ATP2C1: variants seen among roughly 807,000 people sequenced by gnomAD.
ATP2C1 encodes the protein ATPase secretory pathway Ca2+ transporting 1.
Under a neutral mutation model 120.5 loss-of-function variants are expected in ATP2C1, and 31 were observed. That is an observed-to-expected ratio of 0.26 (90% CI 0.19 to 0.35). The LOEUF (loss-of-function observed/expected upper bound fraction) is 0.35. Among genes scored for constraint, ATP2C1 ranks in the 10% least tolerant of loss-of-function variants. The pLI, the probability that ATP2C1 is intolerant of heterozygous loss-of-function variation, is 1.00. For synonymous variants in ATP2C1, 351 were observed against 358.7 expected (o/e 0.98, Z 0.24); for missense variants, 731 against 1,107.5 (o/e 0.66, Z 4.83).
intron 23 of ATP2C1, chr3:130,996,391 A>G (rs1418771796): frequency 5.3e-6 from 3 of 571,366 alleles, no homozygotes; most frequent in Non-Finnish European, 9.3e-6. Flanking sequence ...ATCTTTTTCC[A>G]AAAGTAGAAG....
chr3:130,905,149 AAGATCTG>A (rs2108037959), intron 2 of ATP2C1, among the ~76,000 whole-genome samples: 1 of 152,168 alleles, frequency 6.6e-6, no homozygotes, highest in African/African-American at 2.4e-5. Context: ...TCTAGAAACC[AAGATCTG>A]GGTGCCAGGT....
At chr3:130,959,372 C>T in intron 12 of ATP2C1, 31 bp downstream of exon 12, 1 of 1,446,568 alleles carries the variant, frequency 6.9e-7, no homozygotes. Flanking sequence ...ATTGGAGTCT[C>T]TTTTGCCTCT....
chr3:131,009,658 T>C (rs2063244384), intron 26 of ATP2C1, among the ~76,000 whole-genome samples: 1 of 152,196 alleles, frequency 6.6e-6, no homozygotes, highest in Non-Finnish European at 1.5e-5. Context: ...TACAGCTGGA[T>C]GGACTTGAAT....
chr3:130,973,625 T>TCAG (rs1199066470), intron 17 of ATP2C1, among the ~76,000 whole-genome samples: 1 of 152,186 alleles, frequency 6.6e-6, no homozygotes, highest in Non-Finnish European at 1.5e-5. Context: ...ATCACCATAC[T>TCAG]CAGAATGTTG....
At chr3:130,934,459 A>G (rs751063866) in intron 4 of ATP2C1, among the ~76,000 whole-genome samples, 163 bp from the exon 5 acceptor site, 4 of 151,962 alleles carry the variant, frequency 2.6e-5, no homozygotes, top group Non-Finnish European at 4.4e-5. Flanking sequence ...GTAGTTAAGT[A>G]TAAACGCTTT....
At chr3:130,872,829 T>C (rs1045385236) in intron 1 of ATP2C1, among the ~76,000 whole-genome samples, 1 of 152,158 alleles carries the variant, frequency 6.6e-6, no homozygotes, top group Non-Finnish European at 1.5e-5. Context: ...GTGATCTACC[T>C]GCCTCGGCCT....
At chr3:130,943,184 A>G (rs1440411836) in intron 8 of ATP2C1, among the ~76,000 whole-genome samples, 1 of 152,144 alleles carries the variant, frequency 6.6e-6, no homozygotes, top group Non-Finnish European at 1.5e-5. Context: ...TATTTTATCT[A>G]CTCAGCAAAT....
chr3:130,916,090 C>G lies in ATP2C1; in HGVS notation c.7-14326C>G, dbSNP rs564372981. 7.2e-5 allele frequency among the ~76,000 whole-genome samples: 11 copies of G among 152,000 alleles called. No individual in the cohort carries two copies. In the South Asian group the frequency reaches 2.3e-3, roughly 32 times the overall value. On this transcript the variant is annotated intron_variant, in intron 2 of 27. Transcript: ENST00000510168. The stretch of plus-strand genomic sequence containing the variant: ...ATTAGGTAACATTCCTTTTAGAGAT[C>G]CTCATGGAGTATGAGTATTTAAAGT...
Position 130,975,358 on chromosome 3 carries a change from A to G in ATP2C1, c.1440A>G (p.Lys480=), listed in dbSNP as rs11542182. The G allele has an allele frequency of 2.5e-6, 4 of 1,613,878 alleles. No individual in the cohort carries two copies. The highest frequency in any genetic ancestry group is 3.4e-6 in the Non-Finnish European group (4 of 1,179,806). ...ACAGACCAGAGATTTGTTTTATGAA[A>G]GGTGCTTACGAACAAGTAATTAAGT... ...QQDRPEICFM[K]GAYEQVIKYC... The change falls in exon 18 of 28, where the codon AAA becomes AAG. Residue 480 remains lysine (K), a synonymous_variant. Transcript: ENST00000510168.
exon 27 of ATP2C1, chr3:131,016,156 G>A: frequency 6.2e-7 from 1 of 1,613,876 alleles, no homozygotes; most frequent in Non-Finnish European, 8.5e-7. Flanking sequence ...AGTTAGGTCT[G>A]GCTCTGGGAG....
intron 1 of ATP2C1, among the ~76,000 whole-genome samples, chr3:130,861,163 G>A (rs533661201): frequency 9.2e-5 from 14 of 152,202 alleles, no homozygotes; most frequent in African/African-American, 3.4e-4. Flanking sequence ...TAGTTACTCG[G>A]GAGGCTGAGG....
chr3:130,960,495 C>T (rs189508707), intron 12 of ATP2C1, among the ~76,000 whole-genome samples: 4 of 152,266 alleles, frequency 2.6e-5, no homozygotes, highest in Non-Finnish European at 5.9e-5. Context: ...GCTATGATTT[C>T]CTATAAGATA....
chr3:130,894,149 T>TGGGC lies in ATP2C1; in HGVS notation c.-369_-368insGGGC. ...ACGGGTCCCCTCACCTCCTCTTCTC[T>TGGGC]CCCCTCCCCGCCCGCCCTCTCTCCC... On this transcript the variant is annotated 5_prime_UTR_variant, in exon 1 of 28. Transcript: ENST00000510168. The surrounding 1 kb of genome is among the most constrained non-coding windows in gnomAD (Gnocchi z 4.5). The TGGGC allele has an allele frequency of 1.4e-6, 1 of 694,844 alleles. No individual in the cohort carries two copies. The highest frequency in any genetic ancestry group is 1.8e-6 in the Non-Finnish European group (1 of 565,198). 43.0% of individuals were successfully genotyped at this position (694,844 alleles called of 1,614,324 possible).
Position 131,002,845 on chromosome 3 carries a change from A to AG in ATP2C1, c.*1497dup. 1.0e-6 allele frequency: 1 copy of AG among 985,822 alleles called. No individual in the cohort carries two copies. Among genetic ancestry groups the AG allele is most frequent in the Non-Finnish European group, 1.2e-6 (1 of 829,914 alleles). The allele number at this position is 985,822 out of a possible 1,614,324, so 61.1% of individuals were successfully genotyped here. A position where few individuals can be genotyped will look rare whatever the true frequency, so the allele number is the denominator to read the frequency against. ...ATTGTTACTGAGGCAGTTGAGTGTAAGGAGCTGGCTGCAGTTTATTCTACT... is the reference window on the plus strand; with the variant it reads ...ATTGTTACTGAGGCAGTTGAGTGTAAGGGAGCTGGCTGCAGTTTATTCTACT... On this transcript the variant is annotated 3_prime_UTR_variant, in exon 28 of 28. Transcript: ENST00000510168.
rs1362908225 is a variant in ATP2C1, at chr3:130,917,089, A to G, written c.7-13327A>G. Among the ~76,000 whole-genome samples the G allele has an allele frequency of 3.3e-5, 5 of 152,238 alleles. 1 individual carries two copies. The highest frequency in any genetic ancestry group is 7.3e-5 in the Non-Finnish European group (5 of 68,042). On this transcript the variant is annotated intron_variant, in intron 2 of 27. Coordinates refer to ENST00000510168, the MANE Select transcript of ATP2C1 (RefSeq NM_001378687.1). ...TACTTCTGTTCTTCACTTTCAGTAC[A>G]GTATTATTTATTAAATACATGAGAT...
At chr3:130,876,590 T>G (rs1352955576) in intron 1 of ATP2C1, among the ~76,000 whole-genome samples, 3 of 152,218 alleles carry the variant, frequency 2.0e-5, no homozygotes, top group Admixed American at 2.0e-4. Flanking sequence ...AGGATTGCTT[T>G]GGTTCCTCAG....
chr3:130,875,065 A>T (rs991066463), intron 1 of ATP2C1, among the ~76,000 whole-genome samples: 1 of 152,200 alleles, frequency 6.6e-6, no homozygotes, highest in Admixed American at 6.5e-5. Flanking sequence ...ACTATGTGTA[A>T]TCATCAAGTA....
chr3:130,980,329 T>C (rs1171057170), intron 19 of ATP2C1, among the ~76,000 whole-genome samples: 1 of 151,906 alleles, frequency 6.6e-6, no homozygotes, highest in Non-Finnish European at 1.5e-5. Flanking sequence ...CAAGTGATCC[T>C]GTAGCCCCAA....
At position 130,932,135 on chromosome 3, in the gene ATP2C1, T is replaced by C; in HGVS notation, c.231T>C (p.Ser77=). The change falls in exon 4 of 28, where the codon TCT becomes TCC. Residue 77 remains serine, a synonymous_variant. Transcript: ENST00000510168. ...AGCCACTGTGGAAGAAGTATATTTC[T>C]CAGGTGAGATACTTTTACTTCCTCT... The part of the protein sequence containing the change: ...EDEPLWKKYI[S]QFKNPLIMLL... The C allele has an allele frequency of 6.4e-7, 1 of 1,559,936 alleles. No individual in the cohort carries two copies. Among genetic ancestry groups the C allele is most frequent in the Non-Finnish European group, 8.8e-7 (1 of 1,130,816 alleles).
Sources: allele counts gnomAD v4.1 joint callset (sites outside exome capture counted in the v4.1 genomes callset), GRCh38; gene constraint gnomAD v4.1.1; non-coding constraint Gnocchi (gnomAD v3.1); transcripts MANE v1.5; gene names NCBI Gene and HGNC (gene_info 2026-07-23, HGNC 2026-07-21).